Variants in SYP observed in about 807,000 individuals in gnomAD.
SYP encodes the protein major synaptic vesicle protein P38.
Under a neutral mutation model 24.3 loss-of-function variants are expected in SYP, and 2 were observed. The ratio of observed to expected loss-of-function variants is 0.08; its 90% CI spans 0.03 to 0.26. SYP has a LOEUF of 0.26. SYP is among the 10% of genes least tolerant of loss of function. The probability of loss-of-function intolerance (pLI) is 1.00; values close to 1 mark genes in which losing one functional copy is unlikely to be tolerated. For synonymous variants in SYP, 143 were observed against 123.2 expected, an observed-to-expected ratio of 1.16 and a Z score of -1.07; for missense variants, 216 against 266.3, an observed-to-expected ratio of 0.81 and a Z score of 1.32.
chrX:49,191,721 A>G lies in SYP; in HGVS notation c.658T>C (p.Trp220Arg). ...CAGCCTGTCTCCTTAAACACGAACC[A>G]CAGGTTGCCGACCCAGAGCACCAGG... ...LNLVLWVGNL[W>R]FVFKETGWAA... Residue 220 changes from tryptophan to arginine, a missense_variant, in exon 6 of 7, where the codon TGG (tryptophan) becomes CGG (arginine). Coordinates refer to ENST00000263233, the MANE Select transcript of SYP (RefSeq NM_003179.3). 1 of 1,208,506 alleles carries G rather than the reference A, an allele frequency of 8.3e-7. No individual in the cohort carries two copies. Among genetic ancestry groups the G allele is most frequent in the Non-Finnish European group, 1.1e-6 (1 of 894,205 alleles).
intron 3 of SYP, 110 bp downstream of exon 3, chrX:49,197,605 A>G: frequency 9.4e-7 from 1 of 1,061,757 alleles, no homozygotes; most frequent in Non-Finnish European, 1.3e-6. Flanking sequence ...CAGTGGATGT[A>G]GCCTCGAGGT....
intron 5 of SYP, among the ~76,000 whole-genome samples, chrX:49,192,708 TA>T (rs2065514502): frequency 8.9e-6 from 1 of 112,159 alleles, no homozygotes; most frequent in East Asian, 2.8e-4. Context: ...GTTGTAATCT[TA>T]GCATCTGTAA....
At chrX:49,190,973 C>G (rs1216260688) in intron 6 of SYP, 1 of 143,947 alleles carries the variant, frequency 6.9e-6, no homozygotes, top group African/African-American at 3.1e-5. Flanking sequence ...GATTGGTGAG[C>G]TCGTCTGACC....
chrX:49,189,646 CAT>C (rs782600824), intron 6 of SYP, among the ~76,000 whole-genome samples: 5 of 110,680 alleles, frequency 4.5e-5, no homozygotes, highest in Non-Finnish European at 9.5e-5. Flanking sequence ...TCTCGTATAA[CAT>C]AGGGTGACAA....
rs2065533926 is a variant in SYP at position 49,197,825 on chromosome X, G to A, written c.117C>T (p.Phe39=). 8.3e-7 allele frequency: 1 copy of A among 1,208,030 alleles called. No individual in the cohort carries two copies. The highest frequency in any genetic ancestry group is 1.1e-6 in the Non-Finnish European group (1 of 894,089). ...VKVLQWVFAI[F]AFATCGSYSG... ...TGTAGCTGCCGCATGTGGCAAAGGC[G>A]AAGATGGCGAAGACCTTGGGCAGCA... Residue 39 remains phenylalanine, a synonymous_variant, in exon 3 of 7, where the codon TTC becomes TTT. Transcript: ENST00000263233.
Position 49,191,532 on chromosome X carries a change from C to T in SYP, c.847G>A (p.Gly283Ser). ...GGCCCGTAGCCACTGCCACCGCTGCCGGCTGGTTGACCATAGTCAGGCTGG... is the reference window on the plus strand; with the variant it reads ...GGCCCGTAGCCACTGCCACCGCTGCTGGCTGGTTGACCATAGTCAGGCTGG... The part of the protein sequence containing the change: ...GYQPDYGQPA[G>S]SGGSGYGPQG... Residue 283 changes from glycine to serine, a missense_variant, in exon 6 of 7, where the codon GGC (glycine) becomes AGC (serine). Physicochemically the swap from Gly to Ser is moderately conservative, Grantham distance 56. Coordinates refer to ENST00000263233, the MANE Select transcript of SYP (RefSeq NM_003179.3). 1 of 1,211,252 alleles carries T rather than the reference C, an allele frequency of 8.3e-7. No individual in the cohort carries two copies. The highest frequency in any genetic ancestry group is 1.1e-6 in the Non-Finnish European group (1 of 895,415).
rs782377624 is a variant in SYP at position 49,194,283 on chromosome X, CGAG to C, written c.303_305del (p.Ser103del). Reference sequence around the variant, plus strand: ...CCACGGTGACAAAGAATTCGGCTGACGAGGAGTAGTCCCCAACTAAGAAGACCT... The same window carrying C: ...CCACGGTGACAAAGAATTCGGCTGACGAGTAGTCCCCAACTAAGAAGACCT... On this transcript the variant is annotated inframe_deletion, in exon 4 of 7. Transcript: ENST00000263233. 10 of 1,209,361 alleles carry C rather than the reference CGAG, an allele frequency of 8.3e-6. No individual in the cohort carries two copies. Among genetic ancestry groups the C allele is most frequent in the Non-Finnish European group, 1.0e-5 (9 of 894,939 alleles).
chrX:49,200,089 G>A, intron 1 of SYP, 62 bp downstream of exon 1: 1 of 1,155,573 alleles, frequency 8.7e-7, no homozygotes, highest in South Asian at 1.9e-5. Flanking sequence ...CGGCTGGCCT[G>A]AGCGACCCGG....
At chrX:49,199,928 G>A (rs2065544786) in intron 1 of SYP, among the ~76,000 whole-genome samples, 1 of 111,142 alleles carries the variant, frequency 9.0e-6, no homozygotes, top group Non-Finnish European at 1.9e-5. Context: ...GGGGGCCCCC[G>A]CTGCGGCAGT....
chrX:49,196,216 C>G (rs1569526938), intron 3 of SYP, among the ~76,000 whole-genome samples: 1 of 111,310 alleles, frequency 9.0e-6, no homozygotes, highest in African/African-American at 3.3e-5. Context: ...GCCAGCTCCC[C>G]CTCCTTCCCC....
chrX:49,194,425 T>C, intron 3 of SYP, 64 bp from the exon 4 acceptor site: 3 of 1,096,331 alleles, frequency 2.7e-6, no homozygotes, highest in Middle Eastern at 3.5e-4. Flanking sequence ...TCCAGCCCAA[T>C]CATGGGTCCC....
In SYP at chrX:49,199,023, C is replaced by T; in HGVS notation, c.47G>A (p.Gly16Glu). Reference sequence around the variant, plus strand: ...CTCCTTGACCACCCGGAACTGACCCCCAGCCACCAGCTGAGGAGAGAAACA... The same window carrying T: ...CTCCTTGACCACCCGGAACTGACCCTCAGCCACCAGCTGAGGAGAGAAACA... The part of the protein sequence containing the change: ...DMDVVNQLVA[G>E]GQFRVVKEPL... The change falls in exon 2 of 7, where the codon GGG (glycine) becomes GAG (glutamate). Residue 16 changes from glycine (G) to glutamate (E), a missense_variant. Transcript: ENST00000263233. The T allele has an allele frequency of 8.3e-7, 1 of 1,211,245 alleles. No individual in the cohort carries two copies. Among genetic ancestry groups the T allele is most frequent in the Non-Finnish European group, 1.1e-6 (1 of 895,303 alleles).
At chrX:49,190,521 T>TCA (rs2065503261) in intron 6 of SYP, 2 of 20,241 alleles carry the variant, frequency 9.9e-5, no homozygotes, top group Non-Finnish European at 2.6e-4. Flanking sequence ...TTTCTTTCCA[T>TCA]TTTTTTTTTT....
At chrX:49,192,064 A>G (rs1328528964) in intron 5 of SYP, among the ~76,000 whole-genome samples, 1 of 113,083 alleles carries the variant, frequency 8.8e-6, no homozygotes, top group Non-Finnish European at 1.9e-5. Flanking sequence ...TTTAAAATGT[A>G]AATTTGTAAT....
chrX:49,191,094 G>A (rs1602609512), intron 6 of SYP: 1 of 325,691 alleles, frequency 3.1e-6, no homozygotes, highest in East Asian at 6.1e-5. Context: ...CTTGCGCTCC[G>A]CTGATTCGCC....
intron 3 of SYP, among the ~76,000 whole-genome samples, chrX:49,195,375 C>T (rs781963923): frequency 6.5e-4 from 72 of 110,785 alleles, no homozygotes; most frequent in African/African-American, 2.3e-3. Context: ...AGTCACACAG[C>T]TGGCAAGGGA....
Position 49,191,752 on chromosome X carries a change from G to A in SYP, c.627C>T (p.Phe209=). ...TGCCGACCCAGAGCACCAGGTTCAG[G>A]AAGCCGAACACCTGCAGGGAGACAA... is the stretch of plus-strand genomic sequence containing the variant. ...SGLNTSVVFG[F]LNLVLWVGNL... is the part of the protein sequence containing the mutation. Residue 209 remains phenylalanine, a synonymous_variant, in exon 6 of 7, where the codon TTC becomes TTT. Transcript: ENST00000263233. The A allele has an allele frequency of 8.3e-7, 1 of 1,206,276 alleles. No homozygotes were observed. The highest frequency in any genetic ancestry group is 1.1e-6 in the Non-Finnish European group (1 of 892,646).
intron 5 of SYP, among the ~76,000 whole-genome samples, chrX:49,192,348 C>T (rs2065513285): frequency 8.9e-6 from 1 of 111,758 alleles, no homozygotes; most frequent in African/African-American, 3.3e-5. Context: ...GCATGCACCA[C>T]CACACCAGCT....
intron 3 of SYP, chrX:49,197,472 T>C (rs2065532478): frequency 2.3e-6 from 1 of 430,750 alleles, no homozygotes; most frequent in Non-Finnish European, 4.0e-6. Context: ...ATCTTGTTTA[T>C]TGCCTGTCCC....
Sources: allele counts gnomAD v4.1 joint callset (sites outside exome capture counted in the v4.1 genomes callset), GRCh38; gene constraint gnomAD v4.1.1; transcripts MANE v1.5; gene names NCBI Gene and HGNC (gene_info 2026-07-23, HGNC 2026-07-21).